The following ANKRD6 variants were observed in gnomAD, a reference collection of about 807,000 sequenced individuals.
ANKRD6 encodes ankyrin repeat domain 6, also known as ankyrin repeat domain-containing protein 6.
A neutral mutation model predicts 82.3 loss-of-function variants in ANKRD6; 56 were observed. The ratio of observed to expected loss-of-function variants is 0.68; its 90% CI spans 0.55 to 0.85. ANKRD6 has a LOEUF of 0.85. ANKRD6 is among the 40% of genes least tolerant of loss of function. The pLI, the probability that ANKRD6 is intolerant of heterozygous loss-of-function variation, is 0.00. For synonymous variants in ANKRD6, 347 were observed against 352.1 expected (o/e 0.99, Z 0.16); for missense variants, 852 against 907.6 (o/e 0.94, Z 0.79).
chr6:89,577,004 ATTC>A (rs1791261445), intron 2 of ANKRD6, among the ~76,000 whole-genome samples: 1 of 151,582 alleles, frequency 6.6e-6, no homozygotes, highest in Non-Finnish European at 1.5e-5. Flanking sequence ...GACTCAAGTG[ATTC>A]TCCTCCCAGG....
intron 1 of ANKRD6, among the ~76,000 whole-genome samples, chr6:89,517,687 T>C (rs1781390953): frequency 6.6e-6 from 1 of 152,252 alleles, no homozygotes. Context: ...TTATGTTTAT[T>C]CTGACCACCT....
At position 89,630,430 on chromosome 6, in the gene ANKRD6, C is replaced by A. The variant is rs1379536590; in HGVS notation, c.1613-3C>A. ...CTCACGTTTGTTTTCCTTCTGAAAC[C>A]AGGTGTGGACCAATTAGTGGTGACT... On this transcript the variant is annotated splice_polypyrimidine_tract_variant and splice_region_variant and intron_variant, in intron 15 of 15. Coordinates refer to ENST00000339746, the MANE Select transcript of ANKRD6 (RefSeq NM_001242809.2). The A allele has an allele frequency of 1.6e-5, 25 of 1,601,970 alleles. No homozygotes were observed. Among genetic ancestry groups the A allele is most frequent in the Non-Finnish European group, 2.1e-5 (25 of 1,173,738 alleles).
intron 2 of ANKRD6, chr6:89,568,203 A>G (rs1253204742): frequency 6.6e-6 from 1 of 152,206 alleles, no homozygotes; most frequent in Admixed American, 6.5e-5. Context: ...GCAATCACAA[A>G]TGGGAGAGAG....
chr6:89,527,619 A>AG (rs1168400803), intron 1 of ANKRD6, among the ~76,000 whole-genome samples: 4 of 151,258 alleles, frequency 2.6e-5, no homozygotes, highest in Non-Finnish European at 4.4e-5. Context: ...AAAAAAAAAA[A>AG]AAAAAAAGAA....
chr6:89,591,730 G>A (rs953950231), intron 2 of ANKRD6, among the ~76,000 whole-genome samples: 1 of 152,178 alleles, frequency 6.6e-6, no homozygotes, highest in Non-Finnish European at 1.5e-5. Flanking sequence ...TTCTCCTTTG[G>A]TAGGTGGTGT....
chr6:89,543,522 G>T (rs955924895), intron 1 of ANKRD6, among the ~76,000 whole-genome samples: 7 of 152,158 alleles, frequency 4.6e-5, no homozygotes, highest in South Asian at 2.1e-4. Flanking sequence ...GCTCAGACCC[G>T]TATCTAACAG....
At chr6:89,453,307 C>CTT (rs1191370722) in intron 1 of ANKRD6, among the ~76,000 whole-genome samples, 1 of 152,174 alleles carries the variant, frequency 6.6e-6, no homozygotes, top group Non-Finnish European at 1.5e-5. Context: ...CTTTTACTCT[C>CTT]TGTTATAATT....
At chr6:89,493,392 C>T (rs186613630) in intron 1 of ANKRD6, among the ~76,000 whole-genome samples, 1 of 151,994 alleles carries the variant, frequency 6.6e-6, no homozygotes, top group African/African-American at 2.4e-5. Context: ...CTCTCACTCT[C>T]TCTCTCCCTC....
Position 89,612,343 on chromosome 6 carries a change from C to T in ANKRD6, c.489C>T (p.Ala163=), listed in dbSNP as rs371115312. ...AGAGCACGCGCGTCCTCCTGCTGGC[C>T]GGGTCCCGCGCTGACCTCAAAAATA... ...HSQSTRVLLL[A]GSRADLKNNA... The change falls in exon 6 of 16, where the codon GCC becomes GCT. Residue 163 remains alanine (A), a synonymous_variant. Coordinates refer to ENST00000339746, the MANE Select transcript of ANKRD6 (RefSeq NM_001242809.2). The T allele has an allele frequency of 4.9e-5, 77 of 1,562,304 alleles. No homozygotes were observed. Among genetic ancestry groups the T allele is most frequent in the Middle Eastern group, 3.3e-4 (2 of 6,028 alleles).
In ANKRD6 at chr6:89,463,019, C is replaced by A. The variant is rs1158625154; in HGVS notation, c.-144+29644C>A. On this transcript the variant is annotated intron_variant, in intron 1 of 15. Transcript: ENST00000339746. ...GACTATAGTCATGTGCCACCATGCCCAGCTAATTTTTTAAAAAATTCTTTT... is the reference window on the plus strand; with the variant it reads ...GACTATAGTCATGTGCCACCATGCCAAGCTAATTTTTTAAAAAATTCTTTT... Among the ~76,000 whole-genome samples, 6 of 152,004 alleles carry A rather than the reference C, an allele frequency of 3.9e-5. No homozygotes were observed. The East Asian group carries it at 1.2e-3, about 29-fold the overall frequency.
intron 1 of ANKRD6, among the ~76,000 whole-genome samples, chr6:89,497,397 A>G (rs1218954658): frequency 6.6e-6 from 1 of 152,136 alleles, no homozygotes; most frequent in African/African-American, 2.4e-5. Context: ...TGCTGCGTAA[A>G]GTAGGGGCTG....
intron 14 of ANKRD6, 96 bp downstream of exon 14, chr6:89,627,792 C>A: frequency 1.0e-6 from 1 of 993,576 alleles, no homozygotes; most frequent in Non-Finnish European, 1.5e-6. Context: ...GAGGCTGAGA[C>A]TCCCTAAGAG....
intron 1 of ANKRD6, among the ~76,000 whole-genome samples, chr6:89,545,960 A>G (rs1021322883): frequency 6.6e-6 from 1 of 151,828 alleles, no homozygotes; most frequent in Admixed American, 6.6e-5. Flanking sequence ...GCCCACCACC[A>G]CGCCTGGTAA....
intron 1 of ANKRD6, among the ~76,000 whole-genome samples, chr6:89,491,305 G>A (rs918410617): frequency 6.6e-6 from 1 of 152,158 alleles, no homozygotes; most frequent in Non-Finnish European, 1.5e-5. Context: ...CAGGACACGT[G>A]ACCCCAAAAT....
chr6:89,604,026 A>G (rs1367849191), intron 4 of ANKRD6, among the ~76,000 whole-genome samples: 1 of 152,188 alleles, frequency 6.6e-6, no homozygotes, highest in Non-Finnish European at 1.5e-5. Flanking sequence ...AATAAGATTG[A>G]TAGATAGATA....
chr6:89,563,698 C>T (rs1787872764), intron 1 of ANKRD6, among the ~76,000 whole-genome samples: 1 of 152,178 alleles, frequency 6.6e-6, no homozygotes, highest in Non-Finnish European at 1.5e-5. Flanking sequence ...AGGGGTTCCC[C>T]CATCCCTTCT....
At position 89,612,312 on chromosome 6, in the gene ANKRD6, A is replaced by G; in HGVS notation, c.458A>G (p.His153Arg). The change falls in exon 6 of 16, where the codon CAC becomes CGC. Residue 153 changes from histidine to arginine, a missense_variant. Coordinates refer to ENST00000339746, the MANE Select transcript of ANKRD6 (RefSeq NM_001242809.2). ...TALHLACQNS[H>R]SQSTRVLLLA... ...CTGCACCTGGCCTGCCAGAACAGCC[A>G]CTCCCAGAGCACGCGCGTCCTCCTG... 1 of 1,566,076 alleles carries G rather than the reference A, an allele frequency of 6.4e-7. No homozygotes were observed. The highest frequency in any genetic ancestry group is 8.7e-7 in the Non-Finnish European group (1 of 1,154,812).
At chr6:89,517,354 C>T (rs1341110864) in intron 1 of ANKRD6, among the ~76,000 whole-genome samples, 2 of 152,144 alleles carry the variant, frequency 1.3e-5, no homozygotes, top group Non-Finnish European at 2.9e-5. Flanking sequence ...GAATGCAGTT[C>T]TTTCTTTATA....
intron 1 of ANKRD6, among the ~76,000 whole-genome samples, chr6:89,444,799 C>T (rs938756286): frequency 1.3e-5 from 2 of 152,112 alleles, no homozygotes; most frequent in African/African-American, 4.8e-5. Flanking sequence ...GAAAACCCAT[C>T]TCTACTAAAA....
Sources: allele counts gnomAD v4.1 joint callset (sites outside exome capture counted in the v4.1 genomes callset), GRCh38; gene constraint gnomAD v4.1.1; transcripts MANE v1.5; gene names NCBI Gene and HGNC (gene_info 2026-07-23, HGNC 2026-07-21).